The following CLSTN2 variants were observed in gnomAD, a reference collection of about 807,000 sequenced individuals.
The protein encoded by CLSTN2 is calsyntenin-2.
Under a neutral mutation model 101.2 loss-of-function variants are expected in CLSTN2, and 48 were observed. The ratio of observed to expected loss-of-function variants is 0.47; its 90% CI spans 0.38 to 0.60. CLSTN2 has a LOEUF of 0.60. CLSTN2 is among the 20% of genes least tolerant of loss of function. The pLI, the probability that CLSTN2 is intolerant of heterozygous loss-of-function variation, is 0.00. For synonymous variants in CLSTN2, 481 were observed against 463.6 expected, an observed-to-expected ratio of 1.04 and a Z score of -0.48; for missense variants, 1,160 against 1,238.2, an observed-to-expected ratio of 0.94 and a Z score of 0.95.
intron 8 of CLSTN2, among the ~76,000 whole-genome samples, chr3:140,506,366 T>A (rs1380004343): frequency 6.6e-6 from 1 of 152,138 alleles, no homozygotes; most frequent in East Asian, 1.9e-4. Flanking sequence ...TTTTCTCCTT[T>A]ACACAGCATG....
At chr3:140,241,878 T>C (rs13316111) in intron 2 of CLSTN2, among the ~76,000 whole-genome samples, 88,070 of 138,186 alleles carry the variant, frequency 0.64, 28,625 homozygotes, top group East Asian at 0.98. Context: ...CACATATATA[T>C]ATACACACAC....
At chr3:140,437,225 T>A (rs1374790322) in intron 5 of CLSTN2, among the ~76,000 whole-genome samples, 1 of 152,066 alleles carries the variant, frequency 6.6e-6, no homozygotes, top group African/African-American at 2.4e-5. Context: ...ATGTTTTGTA[T>A]TTTTAGTAGA....
intron 1 of CLSTN2, among the ~76,000 whole-genome samples, chr3:139,989,822 C>T (rs1294727351): frequency 3.9e-5 from 6 of 152,146 alleles, no homozygotes; most frequent in Non-Finnish European, 8.8e-5. Flanking sequence ...TAGTTCTTCC[C>T]TTCTGAAAGA....
At chr3:140,472,382 C>A (rs776216181) in intron 8 of CLSTN2, among the ~76,000 whole-genome samples, 26 of 152,198 alleles carry the variant, frequency 1.7e-4, no homozygotes, top group Non-Finnish European at 2.8e-4. Flanking sequence ...GATGCAGAGT[C>A]AGTTTACTTG....
chr3:140,140,512 T>C (rs1004004601), intron 1 of CLSTN2, among the ~76,000 whole-genome samples: 4 of 152,148 alleles, frequency 2.6e-5, no homozygotes, highest in African/African-American at 9.7e-5. Context: ...AACCCCTGCA[T>C]GAGACAGCCA....
Position 140,076,164 on chromosome 3 carries a change from T to C in CLSTN2, c.110-99787T>C, listed in dbSNP as rs113268960. Among the ~76,000 whole-genome samples the C allele has an allele frequency of 3.9e-5, 6 of 152,348 alleles. 1 individual carries two copies. Among genetic ancestry groups the C allele is most frequent in the African/African-American group, 1.4e-4 (6 of 41,580 alleles). On this transcript the variant is annotated intron_variant, in intron 1 of 16. Coordinates refer to ENST00000458420, the MANE Select transcript of CLSTN2 (RefSeq NM_022131.3). ...TGTAAGTGGAATCCTACAGTATTTG[T>C]CCTCTGTGATGGGCTTGTTTCACTT...
At chr3:140,180,317 G>A (rs192913474) in intron 2 of CLSTN2, among the ~76,000 whole-genome samples, 1 of 152,290 alleles carries the variant, frequency 6.6e-6, no homozygotes, top group Admixed American at 6.5e-5. Context: ...CTCTTTCCCT[G>A]TGATGTTTCC....
intron 1 of CLSTN2, among the ~76,000 whole-genome samples, chr3:140,044,012 T>A (rs1321269766): frequency 6.6e-6 from 1 of 152,026 alleles, no homozygotes; most frequent in Non-Finnish European, 1.5e-5. Flanking sequence ...ATGCAGGACC[T>A]TTTTTGGTTC....
At chr3:140,515,683 T>C (rs1934904853) in intron 8 of CLSTN2, among the ~76,000 whole-genome samples, 1 of 152,118 alleles carries the variant, frequency 6.6e-6, no homozygotes, top group Non-Finnish European at 1.5e-5. Flanking sequence ...GTTTTGAGGG[T>C]TCTTTTTGGA....
intron 2 of CLSTN2, among the ~76,000 whole-genome samples, chr3:140,371,988 G>T (rs1422549593): frequency 6.6e-6 from 1 of 152,180 alleles, no homozygotes; most frequent in Non-Finnish European, 1.5e-5. Context: ...GTTTGTAACT[G>T]GGGATCTGGG....
intron 1 of CLSTN2, among the ~76,000 whole-genome samples, chr3:139,962,050 C>T (rs1488256880): frequency 6.6e-6 from 1 of 151,786 alleles, no homozygotes; most frequent in Non-Finnish European, 1.5e-5. Flanking sequence ...TTTTTTTGGT[C>T]AGATATATTA....
chr3:140,493,263 C>CA (rs1484123937), intron 8 of CLSTN2, among the ~76,000 whole-genome samples: 1 of 152,122 alleles, frequency 6.6e-6, no homozygotes, highest in East Asian at 1.9e-4. Context: ...GAGGTTTCAG[C>CA]AAAAATCACA....
intron 2 of CLSTN2, among the ~76,000 whole-genome samples, chr3:140,318,634 CTT>C (rs1419765612): frequency 6.6e-6 from 1 of 152,158 alleles, no homozygotes; most frequent in East Asian, 1.9e-4. Context: ...GCTAAACAGA[CTT>C]TGGCATAAAT....
intron 1 of CLSTN2, among the ~76,000 whole-genome samples, chr3:139,976,878 C>T (rs1472107802): frequency 3.3e-5 from 5 of 152,144 alleles, no homozygotes; most frequent in African/African-American, 4.8e-5. Context: ...GACCTACAAC[C>T]GTCCCAAGCA....
intron 2 of CLSTN2, among the ~76,000 whole-genome samples, chr3:140,223,506 T>G (rs575394172): frequency 3.3e-5 from 5 of 152,238 alleles, no homozygotes; most frequent in African/African-American, 1.2e-4. Flanking sequence ...AGAGATGCAC[T>G]TCCAGTTTCC....
intron 1 of CLSTN2, among the ~76,000 whole-genome samples, chr3:140,079,436 C>T (rs2008547914): frequency 6.6e-6 from 1 of 152,122 alleles, no homozygotes; most frequent in Non-Finnish European, 1.5e-5. Flanking sequence ...GGATCATGTA[C>T]TATGGACACT....
chr3:140,383,605 A>G (rs2088016369), intron 2 of CLSTN2, among the ~76,000 whole-genome samples: 1 of 152,242 alleles, frequency 6.6e-6, no homozygotes, highest in South Asian at 2.1e-4. Flanking sequence ...TGGGGATAGT[A>G]TAAACATGTG....
At chr3:140,414,261 C>A (rs1174762403) in intron 4 of CLSTN2, among the ~76,000 whole-genome samples, 1 of 151,692 alleles carries the variant, frequency 6.6e-6, no homozygotes, top group Non-Finnish European at 1.5e-5. Flanking sequence ...AACAAACTAT[C>A]CAAAAAAATT....
rs1241226243 is a variant in CLSTN2, at chr3:140,544,893, G to A, written c.1508-1622G>A. On this transcript the variant is annotated intron_variant, in intron 9 of 16. Transcript: ENST00000458420. ...TTTGCCTAATCTAAGCTATTTAGGG[G>A]TGGTGTCTCAGTATAAAGAGGAATG... Among the ~76,000 whole-genome samples the A allele has an allele frequency of 2.6e-5, 4 of 152,182 alleles. No homozygotes were observed. The East Asian group carries it at 5.8e-4, about 22-fold the overall frequency.
Sources: gnomAD v4.1 joint callset for allele counts (sites outside exome capture counted in the v4.1 genomes callset) on GRCh38, gnomAD v4.1.1 for gene constraint, MANE v1.5 for transcripts, NCBI Gene and HGNC (gene_info 2026-07-23, HGNC 2026-07-21) for gene names.